CCSER1: variants seen among roughly 807,000 people sequenced by gnomAD.
The protein encoded by CCSER1 is serine-rich coiled-coil domain-containing protein 1.
CCSER1 carries 41 observed loss-of-function variants against 82.0 expected under a neutral mutation model. That is an observed-to-expected ratio of 0.50 (90% confidence interval 0.39 to 0.65). The LOEUF (loss-of-function observed/expected upper bound fraction) is 0.65. Ranked by LOEUF, CCSER1 falls within the 30% of genes least tolerant of loss-of-function variation. The pLI is 0.00. For missense variants in CCSER1, 1,119 were observed against 1,064.2 expected, an observed-to-expected ratio of 1.05 and a Z score of -0.72; for synonymous variants, 414 against 383.9, an observed-to-expected ratio of 1.08 and a Z score of -0.92.
intron 6 of CCSER1, among the ~76,000 whole-genome samples, chr4:90,658,637 G>A (rs976582464): frequency 5.3e-5 from 8 of 152,078 alleles, no homozygotes; most frequent in Non-Finnish European, 7.4e-5. Flanking sequence ...AAATCATGAC[G>A]TTTTAGGTCT....
chr4:90,971,780 A>G (rs1735134584), intron 9 of CCSER1, among the ~76,000 whole-genome samples: 1 of 151,960 alleles, frequency 6.6e-6, no homozygotes. Flanking sequence ...AACAGAATAC[A>G]GTACATGAAA....
intron 10 of CCSER1, among the ~76,000 whole-genome samples, chr4:91,222,671 T>G (rs1737847311): frequency 6.6e-6 from 1 of 152,134 alleles, no homozygotes; most frequent in Non-Finnish European, 1.5e-5. Flanking sequence ...GGAAACTGCC[T>G]TGCATTGCAG....
At chr4:90,623,350 T>A (rs1284797700) in intron 5 of CCSER1, among the ~76,000 whole-genome samples, 1 of 152,058 alleles carries the variant, frequency 6.6e-6, no homozygotes, top group Non-Finnish European at 1.5e-5. Context: ...GCAGGATTTT[T>A]TTTTTATGGA....
intron 9 of CCSER1, among the ~76,000 whole-genome samples, chr4:91,055,079 C>T (rs1743327725): frequency 6.6e-6 from 1 of 152,014 alleles, no homozygotes; most frequent in Admixed American, 6.6e-5. Flanking sequence ...AGCTTACTGT[C>T]TTCTTTGTGT....
intron 5 of CCSER1, among the ~76,000 whole-genome samples, chr4:90,580,211 T>A (rs1170981766): frequency 6.6e-6 from 1 of 152,172 alleles, no homozygotes; most frequent in Non-Finnish European, 1.5e-5. Context: ...AATGATATTA[T>A]CTGTGGAATT....
intron 9 of CCSER1, among the ~76,000 whole-genome samples, chr4:91,013,533 C>CATAT (rs768761300): frequency 2.4e-5 from 3 of 125,554 alleles, no homozygotes; most frequent in African/African-American, 2.7e-5. Context: ...TTTCTCAAGA[C>CATAT]ATATATATAT....
At chr4:91,426,506 TAAAAA>T (rs552289843) in intron 10 of CCSER1, among the ~76,000 whole-genome samples, 1 of 144,266 alleles carries the variant, frequency 6.9e-6, no homozygotes, top group South Asian at 2.2e-4. Flanking sequence ...GACCACGATT[TAAAAA>T]AAAAAAGAAA....
intron 10 of CCSER1, among the ~76,000 whole-genome samples, chr4:91,405,223 GTT>G (rs60149197): frequency 6.7e-6 from 1 of 148,172 alleles, no homozygotes. Flanking sequence ...GCAACCCCTG[GTT>G]TTTTTTTTTG....
intron 1 of CCSER1, among the ~76,000 whole-genome samples, chr4:90,266,735 C>G (rs1725302072): frequency 6.6e-6 from 1 of 152,016 alleles, no homozygotes; most frequent in South Asian, 2.1e-4. Flanking sequence ...AGCATTTAGA[C>G]TAGCCCTAGC....
At chr4:90,536,800 A>C (rs1489034349) in intron 5 of CCSER1, among the ~76,000 whole-genome samples, 2 of 152,132 alleles carry the variant, frequency 1.3e-5, no homozygotes, top group African/African-American at 4.8e-5. Context: ...AATTCTAGCT[A>C]CCTTACATGG....
At chr4:90,713,402 A>C (rs1264254110) in intron 6 of CCSER1, among the ~76,000 whole-genome samples, 1 of 151,768 alleles carries the variant, frequency 6.6e-6, no homozygotes, top group African/African-American at 2.4e-5. Flanking sequence ...TCACTTATGA[A>C]CCTTAGTTTG....
chr4:90,803,640 T>G (rs532361137), intron 7 of CCSER1, among the ~76,000 whole-genome samples: 1 of 152,350 alleles, frequency 6.6e-6, no homozygotes, highest in Admixed American at 6.5e-5. Context: ...GTTCCAAGTC[T>G]TTGCTATTGT....
At chr4:90,491,173 T>TG (rs142392666) in intron 5 of CCSER1, among the ~76,000 whole-genome samples, 74,303 of 151,876 alleles carry the variant, frequency 0.49, 22,737 homozygotes, top group African/African-American at 0.87. Context: ...TTCTTCCATT[T>TG]TTTGTGTCGT....
At chr4:90,377,611 A>G (rs1748548475) in intron 3 of CCSER1, among the ~76,000 whole-genome samples, 2 of 152,280 alleles carry the variant, frequency 1.3e-5, no homozygotes, top group East Asian at 1.9e-4. Flanking sequence ...AAGAGATTCA[A>G]TTAAACAAAA....
intron 8 of CCSER1, among the ~76,000 whole-genome samples, chr4:90,899,568 A>G (rs1218631893): frequency 2.6e-5 from 4 of 151,936 alleles, no homozygotes; most frequent in Non-Finnish European, 4.4e-5. Context: ...ACCATTCAGT[A>G]TCATGTTGGT....
chr4:90,203,491 C>A (rs913404551), intron 1 of CCSER1, among the ~76,000 whole-genome samples: 6 of 152,144 alleles, frequency 3.9e-5, no homozygotes, highest in African/African-American at 1.4e-4. Context: ...ATGACGGTTT[C>A]CAGCTTCATC....
At chr4:91,164,889 T>A (rs1445389933) in intron 10 of CCSER1, among the ~76,000 whole-genome samples, 1 of 152,252 alleles carries the variant, frequency 6.6e-6, no homozygotes, top group African/African-American at 2.4e-5. Context: ...TTCCTTTAGC[T>A]CGAAGAAGTT....
chr4:90,959,182 A>G (rs1315175314), intron 9 of CCSER1, among the ~76,000 whole-genome samples: 1 of 152,186 alleles, frequency 6.6e-6, no homozygotes, highest in East Asian at 1.9e-4. Flanking sequence ...CAGAATTATA[A>G]AACAGCCTCA....
rs149452195 is a variant in CCSER1, at chr4:91,113,562, T to G, written c.2217+27568T>G. On this transcript the variant is annotated intron_variant, in intron 10 of 10. Transcript: ENST00000509176. ...AATCCAAGCTACATTCTGTTTCTTTTGTGATAACTGAGCCTCTGGCCTCCG... is the reference window on the plus strand; with the variant it reads ...AATCCAAGCTACATTCTGTTTCTTTGGTGATAACTGAGCCTCTGGCCTCCG... Among the ~76,000 whole-genome samples, 50 of 152,302 alleles carry G rather than the reference T, an allele frequency of 3.3e-4. No individual in the cohort carries two copies. The East Asian group carries it at 9.1e-3, about 28-fold the overall frequency.
Sources: allele counts gnomAD v4.1 joint callset (sites outside exome capture counted in the v4.1 genomes callset), GRCh38; gene constraint gnomAD v4.1.1; transcripts MANE v1.5; gene names NCBI Gene and HGNC (gene_info 2026-07-23, HGNC 2026-07-21).